Variants in POU2F3 observed in about 807,000 individuals in gnomAD.
POU2F3 encodes POU domain, class 2, transcription factor 3.
Under a neutral mutation model 59.2 loss-of-function variants are expected in POU2F3, and 23 were observed. The ratio of observed to expected loss-of-function variants is 0.39; its 90% CI spans 0.28 to 0.55. POU2F3 has a LOEUF of 0.55. Among genes scored for constraint, POU2F3 ranks in the 20% least tolerant of loss-of-function variants. POU2F3 has a pLI of 0.66. For missense variants in POU2F3, 473 were observed against 544.5 expected, an observed-to-expected ratio of 0.87 and a Z score of 1.31; for synonymous variants, 190 against 214.6, an observed-to-expected ratio of 0.89 and a Z score of 1.00.
intron 9 of POU2F3, among the ~76,000 whole-genome samples, chr11:120,308,930 C>T (rs532277779): frequency 3.3e-4 from 26 of 77,714 alleles, no homozygotes; most frequent in African/African-American, 1.4e-3. Flanking sequence ...CAGAGCGAGA[C>T]TCCGTCTCAA....
chr11:120,265,740 A>T (rs1260484899), intron 2 of POU2F3: 2 of 152,240 alleles, frequency 1.3e-5, no homozygotes, highest in African/African-American at 4.8e-5. Flanking sequence ...CACAAACCTG[A>T]TGACCCTCTC....
chr11:120,264,194 C>T (rs1474071081), intron 2 of POU2F3, among the ~76,000 whole-genome samples: 1 of 122,250 alleles, frequency 8.2e-6, no homozygotes, highest in East Asian at 2.5e-3. Flanking sequence ...ACCTCATACA[C>T]ACACACACAC....
intron 10 of POU2F3, among the ~76,000 whole-genome samples, chr11:120,313,790 G>C (rs932589539): frequency 1.3e-5 from 2 of 152,110 alleles, no homozygotes; most frequent in Non-Finnish European, 2.9e-5. Flanking sequence ...AAGATGGGTG[G>C]ATCACCTGAG....
At chr11:120,243,002 C>T (rs1938727738) in intron 1 of POU2F3, among the ~76,000 whole-genome samples, 1 of 152,130 alleles carries the variant, frequency 6.6e-6, no homozygotes, top group Admixed American at 6.6e-5. Flanking sequence ...CTGCCCTTCT[C>T]CTCACTGTGA....
At chr11:120,313,577 G>T (rs1021487684) in intron 10 of POU2F3, among the ~76,000 whole-genome samples, 3 of 152,206 alleles carry the variant, frequency 2.0e-5, no homozygotes, top group Non-Finnish European at 4.4e-5. Context: ...GCAAAATGGT[G>T]CAGATCAGTG....
intron 7 of POU2F3, 106 bp from the exon 8 acceptor site, chr11:120,305,536 CAA>C: frequency 1.3e-6 from 2 of 1,488,526 alleles, no homozygotes; most frequent in Non-Finnish European, 1.8e-6. Flanking sequence ...GGTGAGCACT[CAA>C]AGATTCAGGC....
rs1349947936 is a variant in POU2F3 at position 120,285,433 on chromosome 11, T to C, written c.133-12832T>C. ...TCCCAATCACATGGCAGCCCTTCAA[T>C]ATTTGAGAAGAGTCATCACCCTGAA... On this transcript the variant is annotated intron_variant, in intron 3 of 12. Transcript: ENST00000543440. This position sits in a 1 kb window ranked among gnomAD's most constrained non-coding sequence, Gnocchi z 4.3. 1.3e-5 allele frequency among the ~76,000 whole-genome samples: 2 copies of C among 152,222 alleles called. No homozygotes were observed. Among genetic ancestry groups the C allele is most frequent in the Non-Finnish European group, 2.9e-5 (2 of 68,040 alleles).
chr11:120,243,320 G>A (rs1048687549), intron 1 of POU2F3, among the ~76,000 whole-genome samples: 38 of 152,164 alleles, frequency 2.5e-4, no homozygotes, highest in African/African-American at 8.9e-4. Flanking sequence ...CTTTCCCAGA[G>A]TAGCCTGGTC....
intron 3 of POU2F3, among the ~76,000 whole-genome samples, chr11:120,289,713 G>A (rs1940954594): frequency 6.6e-6 from 1 of 152,022 alleles, no homozygotes; most frequent in Admixed American, 6.6e-5. Flanking sequence ...CTTTGCTTTT[G>A]CTGCCTGGCA....
intron 8 of POU2F3, among the ~76,000 whole-genome samples, chr11:120,306,796 A>G (rs986634447): frequency 2.0e-5 from 3 of 152,174 alleles, no homozygotes; most frequent in African/African-American, 7.2e-5. Context: ...GGGAGGGGGC[A>G]GGAAGCTCCC....
chr11:120,288,448 T>C (rs1940896431), intron 3 of POU2F3, among the ~76,000 whole-genome samples: 1 of 152,214 alleles, frequency 6.6e-6, no homozygotes, highest in Non-Finnish European at 1.5e-5. Context: ...GAAGGATTCC[T>C]GAGAAAATCC....
At chr11:120,308,222 C>T (rs1455498718) in intron 9 of POU2F3, among the ~76,000 whole-genome samples, 1 of 152,078 alleles carries the variant, frequency 6.6e-6, no homozygotes, top group Non-Finnish European at 1.5e-5. Flanking sequence ...AGCTGTGAGC[C>T]CCGTGTGGGC....
At chr11:120,309,607 C>T (rs1941600727) in intron 10 of POU2F3, 21 bp downstream of exon 10, 3 of 1,609,068 alleles carry the variant, frequency 1.9e-6, no homozygotes, top group Non-Finnish European at 2.6e-6. Context: ...AGGAACCAAG[C>T]TGTCTGCCAA....
chr11:120,298,425 T>G (rs376659969), intron 4 of POU2F3, 35 bp downstream of exon 4: 11 of 1,610,710 alleles, frequency 6.8e-6, no homozygotes, highest in Non-Finnish European at 9.3e-6. Flanking sequence ...GCCAGTGTGT[T>G]TAACCCAATC....
chr11:120,313,635 G>C (rs371269007), intron 10 of POU2F3, among the ~76,000 whole-genome samples: 5 of 152,204 alleles, frequency 3.3e-5, no homozygotes, highest in African/African-American at 1.2e-4. Context: ...GGGGAACCAC[G>C]TATATGTCTG....
chr11:120,237,166 TA>T (rs1938525271), upstream of POU2F3, among the ~76,000 whole-genome samples: 1 of 152,212 alleles, frequency 6.6e-6, no homozygotes, highest in Non-Finnish European at 1.5e-5. Flanking sequence ...AACGCAGGGC[TA>T]ATAATTGTAC....
intron 5 of POU2F3, chr11:120,301,160 A>G (rs1211241992): frequency 2.2e-6 from 1 of 449,588 alleles, no homozygotes; most frequent in African/African-American, 2.0e-5. Context: ...GGTTTCTTTA[A>G]AAAGTCACTT....
At chr11:120,309,390 C>A in intron 9 of POU2F3, 35 bp from the exon 10 acceptor site, 5 of 1,570,108 alleles carry the variant, frequency 3.2e-6, no homozygotes, top group Non-Finnish European at 4.4e-6. Context: ...TGATTCCCTT[C>A]TCTTGGCCAT....
Position 120,305,786 on chromosome 11 carries a change from G to A in POU2F3, c.769+1G>A. The A allele has an allele frequency of 6.2e-7, 1 of 1,613,324 alleles. No individual in the cohort carries two copies. Among genetic ancestry groups the A allele is most frequent in the Non-Finnish European group, 8.5e-7 (1 of 1,179,982 alleles). ...CTGGAGAAGTGGCTGAATGATGCAG[G>A]TAGGCCTCGCAAACACGGATGCCAG... On this transcript the variant is annotated splice_donor_variant, in intron 8 of 12. Coordinates refer to ENST00000543440, the MANE Select transcript of POU2F3 (RefSeq NM_014352.4). LOFTEE classifies it high-confidence loss of function.
Sources: gnomAD v4.1 joint callset for allele counts (sites outside exome capture counted in the v4.1 genomes callset) on GRCh38, gnomAD v4.1.1 for gene constraint, Gnocchi (gnomAD v3.1) non-coding constraint, MANE v1.5 for transcripts, NCBI Gene and HGNC (gene_info 2026-07-23, HGNC 2026-07-21) for gene names.